PRAG1: variants seen among roughly 807,000 people sequenced by gnomAD.
The protein encoded by PRAG1 is inactive tyrosine-protein kinase PRAG1.
PRAG1 carries 110 observed loss-of-function variants against 95.6 expected under a neutral mutation model. The ratio of observed to expected loss-of-function variants is 1.15; its 90% confidence interval spans 0.99 to 1.35. The LOEUF is 1.35. Ranked by LOEUF, PRAG1 falls within the 40% of genes most tolerant of loss-of-function variation. The pLI, the probability that PRAG1 is intolerant of heterozygous loss-of-function variation, is 0.00. For missense variants in PRAG1, 2,554 were observed against 1,864.7 expected, an observed-to-expected ratio of 1.37 and a Z score of -6.81; for synonymous variants, 1,052 against 819.4, an observed-to-expected ratio of 1.28 and a Z score of -4.85.
intron 1 of PRAG1, among the ~76,000 whole-genome samples, 164 bp from the exon 2 acceptor site, chr8:8,381,998 A>G (rs1183201552): frequency 6.6e-6 from 1 of 152,202 alleles, no homozygotes; most frequent in Non-Finnish European, 1.5e-5. Flanking sequence ...CAAGGCTCTT[A>G]AACATTCTCT....
chr8:8,367,437 G>A (rs547214978), intron 3 of PRAG1, among the ~76,000 whole-genome samples: 2 of 97,418 alleles, frequency 2.1e-5, no homozygotes, highest in South Asian at 8.5e-4. Context: ...CAGCCTAGGT[G>A]AAAGGAGCAA....
chr8:8,336,213 G>A (rs910919400), intron 4 of PRAG1, among the ~76,000 whole-genome samples: 3 of 152,154 alleles, frequency 2.0e-5, no homozygotes, highest in African/African-American at 7.2e-5. Context: ...AATGTTTGCC[G>A]AACTGCTGAA....
intron 5 of PRAG1, among the ~76,000 whole-genome samples, chr8:8,322,812 G>A (rs1052581851): frequency 1.6e-4 from 24 of 151,944 alleles, no homozygotes; most frequent in Non-Finnish European, 2.6e-4. Flanking sequence ...TGAATCCACC[G>A]ACGACTTGGA....
chr8:8,322,037 A>G (rs936792256), intron 5 of PRAG1, among the ~76,000 whole-genome samples: 6 of 152,246 alleles, frequency 3.9e-5, no homozygotes, highest in African/African-American at 1.4e-4. Context: ...CAACAGCACT[A>G]GAGCTCATCC....
At chr8:8,333,643 C>A (rs1160737368) in intron 4 of PRAG1, among the ~76,000 whole-genome samples, 1 of 152,190 alleles carries the variant, frequency 6.6e-6, no homozygotes, top group Non-Finnish European at 1.5e-5. Flanking sequence ...TTGTTCTCTG[C>A]AGCCAAAATG....
intron 4 of PRAG1, among the ~76,000 whole-genome samples, chr8:8,331,682 AC>A (rs1391657046): frequency 6.6e-6 from 1 of 152,168 alleles, no homozygotes; most frequent in Non-Finnish European, 1.5e-5. Context: ...TCCCTAGATG[AC>A]CAAAGAGAAC....
At chr8:8,363,662 C>G (rs1799915897) in intron 3 of PRAG1, among the ~76,000 whole-genome samples, 1 of 152,032 alleles carries the variant, frequency 6.6e-6, no homozygotes, top group African/African-American at 2.4e-5. Flanking sequence ...ATGGAAACTA[C>G]TATTAAACTT....
intron 4 of PRAG1, among the ~76,000 whole-genome samples, chr8:8,336,912 C>T (rs1314029643): frequency 2.4e-5 from 2 of 82,872 alleles, no homozygotes; most frequent in Non-Finnish European, 4.8e-5. Flanking sequence ...CCCCTTTCCC[C>T]CCTCCCCCCA....
chr8:8,378,949 G>A (rs915163562), intron 2 of PRAG1, among the ~76,000 whole-genome samples: 51 of 152,008 alleles, frequency 3.4e-4, no homozygotes, highest in Admixed American at 2.8e-3. Context: ...GGTGAGGGGT[G>A]GTTTCTGAAC....
chr8:8,319,281 T>G lies in PRAG1; in HGVS notation c.3094A>C (p.Lys1032Gln), dbSNP rs2117093357. 2.0e-6 allele frequency: 3 copies of G among 1,519,684 alleles called. No homozygotes were observed. Among genetic ancestry groups the G allele is most frequent in the Admixed American group, 2.1e-5 (1 of 48,698 alleles). 94.1% of individuals were successfully genotyped at this position (1,519,684 alleles called of 1,614,324 possible). A position where few individuals can be genotyped will look rare whatever the true frequency, so the allele number is the denominator to read the frequency against. Residue 1032 changes from lysine (K) to glutamine (Q), a missense_variant, in exon 6 of 6, where the codon AAA becomes CAA. Lys to Gln is a moderately conservative substitution (Grantham distance 53). Transcript: ENST00000615670. ...GACGGGCTGCAGTAGGAGACTGTTT[T>G]GGGCTCAGGGGCTTTGCAGATCTGT... ...AVKICKAPEPKTVSYCSPSVP... is the reference protein window; with the variant it reads ...AVKICKAPEPQTVSYCSPSVP...
chr8:8,382,765 T>C (rs1800725247), intron 1 of PRAG1, among the ~76,000 whole-genome samples: 1 of 152,138 alleles, frequency 6.6e-6, no homozygotes, highest in Non-Finnish European at 1.5e-5. Flanking sequence ...CATTAACCAA[T>C]TACCTTGAAA....
At chr8:8,360,732 G>C (rs1299243019) in intron 3 of PRAG1, among the ~76,000 whole-genome samples, 1 of 152,230 alleles carries the variant, frequency 6.6e-6, no homozygotes, top group African/African-American at 2.4e-5. Flanking sequence ...CTTAGTCCAA[G>C]AATCTCATAG....
At chr8:8,364,973 G>T (rs979125332) in intron 3 of PRAG1, among the ~76,000 whole-genome samples, 1 of 152,102 alleles carries the variant, frequency 6.6e-6, no homozygotes, top group Admixed American at 6.5e-5. Flanking sequence ...CTTGTTTCAC[G>T]TCTTGAAGAT....
At chr8:8,342,397 C>T (rs949902336) in intron 3 of PRAG1, among the ~76,000 whole-genome samples, 8 of 151,842 alleles carry the variant, frequency 5.3e-5, no homozygotes, top group Admixed American at 1.3e-4. Flanking sequence ...GGGGTTTCAC[C>T]GTGTTAGCCA....
rs751083391 is a variant in PRAG1, at chr8:8,378,068, C to T, written c.341G>A (p.Arg114Lys). The T allele has an allele frequency of 7.6e-5, 117 of 1,535,722 alleles. No homozygotes were observed. The highest frequency in any genetic ancestry group is 1.4e-4 in the Admixed American group (7 of 49,130). The part of the protein sequence containing the change: ...LSAEVSQVIW[R>K]RAPGKLPLPK... ...GAGGGGGAGCTTGCCAGGGGCTCGT[C>T]TCCAGATGACCTACACACAAGCCCA... The change falls in exon 3 of 6, where the codon AGA (arginine) becomes AAA (lysine). Residue 114 changes from arginine (R) to lysine (K), a missense_variant. Arg to Lys is a conservative substitution (Grantham distance 26). Transcript: ENST00000615670.
rs779317691 is a variant in PRAG1, at chr8:8,318,561, C to G, written c.3814G>C (p.Glu1272Gln). 3.1e-6 allele frequency: 5 copies of G among 1,613,678 alleles called. No homozygotes were observed. Among genetic ancestry groups the G allele is most frequent in the Non-Finnish European group, 4.2e-6 (5 of 1,179,942 alleles). Residue 1272 changes from glutamate to glutamine, a missense_variant, in exon 6 of 6, where the codon GAG (glutamate) becomes CAG (glutamine). Coordinates refer to ENST00000615670, the MANE Select transcript of PRAG1 (RefSeq NM_001080826.3). This position sits in a 1 kb window ranked among gnomAD's most constrained non-coding sequence, Gnocchi z 4.2. ...YELLHQPNPF[E>Q]VRAQLRERDY... ...CTCTCCCGCAGCTGGGCGCGCACCTCGAACGGGTTGGGTTGGTGCAGCAGC... is the reference window on the plus strand; with the variant it reads ...CTCTCCCGCAGCTGGGCGCGCACCTGGAACGGGTTGGGTTGGTGCAGCAGC...
chr8:8,355,634 G>A (rs755099883), intron 3 of PRAG1, among the ~76,000 whole-genome samples: 11 of 152,104 alleles, frequency 7.2e-5, no homozygotes, highest in Non-Finnish European at 1.3e-4. Context: ...GACATACATG[G>A]TCAACTAGTT....
intron 5 of PRAG1, among the ~76,000 whole-genome samples, chr8:8,320,416 T>A (rs920697060): frequency 6.6e-6 from 1 of 152,142 alleles, no homozygotes; most frequent in Non-Finnish European, 1.5e-5. Flanking sequence ...TTTCTTCTTG[T>A]ACAAATGGCA....
intron 3 of PRAG1, among the ~76,000 whole-genome samples, chr8:8,345,886 A>G (rs1799324935): frequency 6.6e-6 from 1 of 152,214 alleles, no homozygotes; most frequent in Non-Finnish European, 1.5e-5. Flanking sequence ...TGCAATCTGT[A>G]CTTTTTGAGA....
Sources: gnomAD v4.1 joint callset for allele counts (sites outside exome capture counted in the v4.1 genomes callset) on GRCh38, gnomAD v4.1.1 for gene constraint, Gnocchi (gnomAD v3.1) non-coding constraint, MANE v1.5 for transcripts, NCBI Gene and HGNC (gene_info 2026-07-23, HGNC 2026-07-21) for gene names.